ATF3: variants seen among roughly 807,000 people sequenced by gnomAD.
ATF3 encodes activating transcription factor 3.
In ATF3, 10 loss-of-function variants were observed where a neutral mutation model predicts 18.4. The observed-to-expected ratio is 0.54, with a 90% confidence interval of 0.34 to 0.92. The LOEUF (loss-of-function observed/expected upper bound fraction) is 0.92, where lower values mean the gene tolerates loss of function less well. Ranked by LOEUF, ATF3 falls within the 40% of genes least tolerant of loss-of-function variation. ATF3 has a pLI of 0.02. For synonymous variants in ATF3, 78 were observed against 87.9 expected, an observed-to-expected ratio of 0.89 and a Z score of 0.63; for missense variants, 183 against 222.3, an observed-to-expected ratio of 0.82 and a Z score of 1.12.
At chr1:212,603,760 ATG>A (rs1287523198), upstream of ATF3, among the ~76,000 whole-genome samples, 25 of 120,032 alleles carry the variant, frequency 2.1e-4, no homozygotes, top group East Asian at 6.0e-3. Context: ...GATTATTAAA[ATG>A]TGTGTGTATA....
chr1:212,614,311 A>T (rs756530194), intron 1 of ATF3, among the ~76,000 whole-genome samples: 6 of 152,156 alleles, frequency 3.9e-5, no homozygotes, highest in Non-Finnish European at 8.8e-5. Flanking sequence ...CTTTTCTTTA[A>T]GACCTTTTGC....
Position 212,584,836 on chromosome 1 carries a change from T to G in ATF3, c.-5+19353T>G, listed in dbSNP as rs139546773. ...CTCTTTCACCTGGAGTCTCTCCAAG[T>G]ACGGCTCCCGGGCCACCTGGATGGA... On this transcript the variant is annotated intron_variant, in intron 1 of 3. Transcript: ENST00000366981. Among the ~76,000 whole-genome samples, 151 of 152,358 alleles carry G rather than the reference T, an allele frequency of 9.9e-4. 3 individuals are homozygous for G. The East Asian group carries it at 0.028, about 28-fold the overall frequency.
intron 1 of ATF3, among the ~76,000 whole-genome samples, chr1:212,590,152 A>G (rs568473698): frequency 6.6e-6 from 1 of 152,244 alleles, no homozygotes; most frequent in African/African-American, 2.4e-5. Context: ...TTGTAAAACA[A>G]TATAGGAACT....
chr1:212,595,909 A>G (rs1368098185), intron 1 of ATF3, among the ~76,000 whole-genome samples: 1 of 152,196 alleles, frequency 6.6e-6, no homozygotes, highest in Non-Finnish European at 1.5e-5. Context: ...TGAAAGATAT[A>G]ATGAAACAGC....
chr1:212,579,075 A>T (rs1664633841), intron 1 of ATF3, among the ~76,000 whole-genome samples: 1 of 148,688 alleles, frequency 6.7e-6, no homozygotes, highest in Non-Finnish European at 1.5e-5. Flanking sequence ...GCAGTGGCAC[A>T]ATCTCAGCTC....
chr1:212,594,053 A>G (rs1045046606), intron 1 of ATF3, among the ~76,000 whole-genome samples: 1 of 152,192 alleles, frequency 6.6e-6, no homozygotes, highest in Non-Finnish European at 1.5e-5. Flanking sequence ...ATCATCACCC[A>G]CCTGCCTTGG....
At chr1:212,593,909 G>A (rs559015815) in intron 1 of ATF3, among the ~76,000 whole-genome samples, 3 of 152,124 alleles carry the variant, frequency 2.0e-5, no homozygotes, top group Non-Finnish European at 4.4e-5. Context: ...TGTTCAATCT[G>A]TGATGTTGAG....
Position 212,618,929 on chromosome 1 carries a change from T to C in ATF3, c.349-429T>C. 1 of 1,365,514 alleles carries C rather than the reference T, an allele frequency of 7.3e-7. No individual in the cohort carries two copies. The highest frequency in any genetic ancestry group is 1.0e-6 in the Non-Finnish European group (1 of 972,386). The allele number at this position is 1,365,514 out of a possible 1,614,324, so 84.6% of individuals were successfully genotyped here. On this transcript the variant is annotated intron_variant, in intron 3 of 3. Coordinates refer to ENST00000341491, the MANE Select transcript of ATF3 (RefSeq NM_001674.4). The surrounding 1 kb of genome is among the most constrained non-coding windows in gnomAD (Gnocchi z 4.4). ...TCTGTTGATTGCTTCAGGGGATCAGTGAAAATTAGGGAATTTTGTGTGTTG... is the reference window on the plus strand; with the variant it reads ...TCTGTTGATTGCTTCAGGGGATCAGCGAAAATTAGGGAATTTTGTGTGTTG...
At chr1:212,588,185 A>G (rs11576473) in intron 1 of ATF3, among the ~76,000 whole-genome samples, 38,146 of 152,042 alleles carry the variant, frequency 0.25, 4,993 homozygotes, top group African/African-American at 0.33. Context: ...CCAACAGAAG[A>G]GGCTTAGGAC....
chr1:212,579,628 T>G (rs1465538553), intron 1 of ATF3, among the ~76,000 whole-genome samples: 1 of 152,080 alleles, frequency 6.6e-6, no homozygotes, highest in Non-Finnish European at 1.5e-5. Flanking sequence ...GGTGTAAGAG[T>G]TAAAAGACCT....
At chr1:212,583,595 A>G (rs947545312) in intron 1 of ATF3, among the ~76,000 whole-genome samples, 2 of 152,220 alleles carry the variant, frequency 1.3e-5, no homozygotes, top group African/African-American at 4.8e-5. Context: ...AGCTGGCATC[A>G]TGGACAAGGG....
intron 1 of ATF3, among the ~76,000 whole-genome samples, chr1:212,590,605 TATTA>T (rs1271947973): frequency 6.2e-4 from 94 of 152,334 alleles, no homozygotes; most frequent in African/African-American, 2.2e-3. Flanking sequence ...CTCGTGCATA[TATTA>T]CTTCAATTTT....
At chr1:212,602,505 G>A (rs1654511088) in intron 1 of ATF3, among the ~76,000 whole-genome samples, 7 of 152,164 alleles carry the variant, frequency 4.6e-5, no homozygotes, top group Admixed American at 4.6e-4. Context: ...TTTCCCGTGA[G>A]CACTTGCCAG....
Position 212,619,528 on chromosome 1 carries a change from G to A in ATF3, c.519G>A (p.Gln173=), listed in dbSNP as rs1223840443. ...ATGAGAGAAACCTCTTTATCCAACA[G>A]ATAAAAGAAGGAACATTGCAGAGCT... ...PEDERNLFIQ[Q]IKEGTLQS The change falls in exon 4 of 4, where the codon CAG becomes CAA. Residue 173 remains glutamine, a synonymous_variant. Coordinates refer to ENST00000341491, the MANE Select transcript of ATF3 (RefSeq NM_001674.4). This position sits in a 1 kb window ranked among gnomAD's most constrained non-coding sequence, Gnocchi z 4.4. The A allele has an allele frequency of 1.2e-5, 19 of 1,614,056 alleles. No homozygotes were observed. Among genetic ancestry groups the A allele is most frequent in the South Asian group, 2.2e-5 (2 of 91,076 alleles).
intron 1 of ATF3, among the ~76,000 whole-genome samples, chr1:212,573,762 G>C (rs1015718562): frequency 6.6e-6 from 1 of 151,658 alleles, no homozygotes; most frequent in Non-Finnish European, 1.5e-5. Flanking sequence ...AGCCGTGATT[G>C]GCATATGTAG....
chr1:212,619,336 G>A lies in ATF3; in HGVS notation c.349-22G>A. On this transcript the variant is annotated intron_variant, in intron 3 of 3. Transcript: ENST00000341491. The surrounding 1 kb of genome is among the most constrained non-coding windows in gnomAD (Gnocchi z 4.4). ...ACTGGCCCTTGGCTCCTTTCTTGAT[G>A]CCTCTGTTGCTTGTCCCCCAGGAGT... is the stretch of plus-strand genomic sequence containing the variant. 1 of 1,612,704 alleles carries A rather than the reference G, an allele frequency of 6.2e-7. No homozygotes were observed.
In ATF3 at chr1:212,618,737, T is replaced by C; in HGVS notation, c.348+503T>C. ...TGGCTTAGCCAGTAAGCTGAGCCCCTGGCTGCGTTCAGCCGGCCCGCCTGA... is the reference window on the plus strand; with the variant it reads ...TGGCTTAGCCAGTAAGCTGAGCCCCCGGCTGCGTTCAGCCGGCCCGCCTGA... On this transcript the variant is annotated intron_variant, in intron 3 of 3. Coordinates refer to ENST00000341491, the MANE Select transcript of ATF3 (RefSeq NM_001674.4). This position sits in a 1 kb window ranked among gnomAD's most constrained non-coding sequence, Gnocchi z 4.4. The C allele has an allele frequency of 2.0e-6, 1 of 492,764 alleles. No individual in the cohort carries two copies. Among genetic ancestry groups the C allele is most frequent in the Non-Finnish European group, 3.7e-6 (1 of 270,680 alleles). The allele number at this position is 492,764 out of a possible 1,614,324, so 30.5% of individuals were successfully genotyped here.
At chr1:212,610,956 G>A (rs919875085) in intron 1 of ATF3, among the ~76,000 whole-genome samples, 7 of 152,186 alleles carry the variant, frequency 4.6e-5, no homozygotes, top group African/African-American at 1.7e-4. Flanking sequence ...ATTATGAAAT[G>A]AGAATCTGAC....
intron 1 of ATF3, among the ~76,000 whole-genome samples, chr1:212,594,256 A>G (rs974706168): frequency 6.6e-6 from 1 of 152,226 alleles, no homozygotes; most frequent in Non-Finnish European, 1.5e-5. Context: ...CAGGTAGTCT[A>G]CATGCTTCAT....
Sources: allele counts gnomAD v4.1 joint callset (sites outside exome capture counted in the v4.1 genomes callset), GRCh38; gene constraint gnomAD v4.1.1; non-coding constraint Gnocchi (gnomAD v3.1); transcripts MANE v1.5; gene names NCBI Gene and HGNC (gene_info 2026-07-23, HGNC 2026-07-21).